CALN1: variants seen among roughly 807,000 people sequenced by gnomAD.
The protein encoded by CALN1 is calneuron 1, also known as calcium-binding protein 8.
A neutral mutation model predicts 30.6 loss-of-function variants in CALN1; 17 were observed. The observed-to-expected ratio is 0.56, with a 90% CI of 0.38 to 0.83. The LOEUF (loss-of-function observed/expected upper bound fraction) is 0.83, where lower values mean the gene tolerates loss of function less well. Ranked by LOEUF, CALN1 falls within the 40% of genes least tolerant of loss-of-function variation. The pLI is 0.00. For missense variants in CALN1, 291 were observed against 354.9 expected (o/e 0.82, Z 1.45); for synonymous variants, 156 against 131.4 (o/e 1.19, Z -1.28).
At chr7:72,067,212 A>C (rs1804084044) in intron 4 of CALN1, among the ~76,000 whole-genome samples, 1 of 152,188 alleles carries the variant, frequency 6.6e-6, no homozygotes, top group Non-Finnish European at 1.5e-5. Context: ...ATTTAGGTAG[A>C]GCCTGACATC....
intron 5 of CALN1, among the ~76,000 whole-genome samples, chr7:71,945,198 T>C (rs2129523313): frequency 6.6e-6 from 1 of 152,262 alleles, no homozygotes; most frequent in Non-Finnish European, 1.5e-5. Context: ...GAATAAAAGC[T>C]TCCCAAGGCC....
chr7:72,142,127 A>C (rs1430600142), intron 3 of CALN1, among the ~76,000 whole-genome samples: 1 of 152,120 alleles, frequency 6.6e-6, no homozygotes, highest in African/African-American at 2.4e-5. Context: ...CAGTGGGTGC[A>C]GGACAGTGGG....
intron 2 of CALN1, among the ~76,000 whole-genome samples, chr7:72,295,319 T>C: frequency 6.7e-6 from 1 of 150,070 alleles, no homozygotes; most frequent in Non-Finnish European, 1.5e-5. Context: ...ACAAAAACAA[T>C]ACTTATTTTT....
chr7:72,420,825 T>C (rs1374564731), intron 1 of CALN1, among the ~76,000 whole-genome samples: 1 of 152,040 alleles, frequency 6.6e-6, no homozygotes, highest in Non-Finnish European at 1.5e-5. Flanking sequence ...TTCACTATGT[T>C]AGCCAGGATG....
At chr7:72,024,029 C>T (rs1215991075) in intron 4 of CALN1, among the ~76,000 whole-genome samples, 1 of 152,188 alleles carries the variant, frequency 6.6e-6, no homozygotes, top group Admixed American at 6.5e-5. Flanking sequence ...CATCACTTCC[C>T]ACTTAACATG....
chr7:72,032,409 T>G (rs1370147183), intron 4 of CALN1, among the ~76,000 whole-genome samples: 1 of 152,110 alleles, frequency 6.6e-6, no homozygotes, highest in Non-Finnish European at 1.5e-5. Context: ...CAGGCTAGTC[T>G]TGAACTCCTG....
At chr7:72,383,796 A>G (rs989373238) in intron 2 of CALN1, among the ~76,000 whole-genome samples, 1 of 152,242 alleles carries the variant, frequency 6.6e-6, no homozygotes, top group South Asian at 2.1e-4. Flanking sequence ...AGTGCAGCTA[A>G]GGGTGGAGGC....
At position 72,242,608 on chromosome 7, in the gene CALN1, C is replaced by G. The variant is rs546106835; in HGVS notation, c.244+36078G>C. Among the ~76,000 whole-genome samples, 37 of 152,278 alleles carry G rather than the reference C, an allele frequency of 2.4e-4. No homozygotes were observed. In the South Asian group the frequency reaches 6.8e-3, roughly 28 times the overall value. The stretch of plus-strand genomic sequence containing the variant: ...TATGGTTGAAATATTAAAATTAAGG[C>G]CAGGCGCAGTGGCTCAAACATGTAA... On this transcript the variant is annotated intron_variant, in intron 3 of 6. Transcript: ENST00000395275.
At chr7:71,970,164 A>G (rs1449709824) in intron 5 of CALN1, among the ~76,000 whole-genome samples, 2 of 152,054 alleles carry the variant, frequency 1.3e-5, no homozygotes, top group Non-Finnish European at 2.9e-5. Context: ...ACCCATTCCT[A>G]ATGGGGCACA....
chr7:71,934,917 C>T (rs1266682086), intron 5 of CALN1, among the ~76,000 whole-genome samples: 3 of 152,080 alleles, frequency 2.0e-5, no homozygotes, highest in Non-Finnish European at 4.4e-5. Flanking sequence ...ACCATCAGAT[C>T]TTGTAGCACT....
chr7:71,970,987 C>T (rs949881931), intron 5 of CALN1, among the ~76,000 whole-genome samples: 2 of 152,170 alleles, frequency 1.3e-5, no homozygotes, highest in African/African-American at 4.8e-5. Flanking sequence ...AAGAAAGATC[C>T]TGAAGGCATC....
chr7:71,959,171 T>C (rs1410936950), intron 5 of CALN1, among the ~76,000 whole-genome samples: 1 of 152,154 alleles, frequency 6.6e-6, no homozygotes, highest in East Asian at 1.9e-4. Context: ...GCACCTGTCA[T>C]GGTAGGCAGT....
intron 3 of CALN1, among the ~76,000 whole-genome samples, chr7:72,218,276 A>G (rs1466184443): frequency 1.3e-5 from 2 of 151,686 alleles, no homozygotes; most frequent in African/African-American, 4.8e-5. Context: ...GTGAAACCCC[A>G]TCTCTACTAA....
intron 5 of CALN1, among the ~76,000 whole-genome samples, chr7:71,825,313 G>T (rs979746732): frequency 6.6e-6 from 1 of 152,118 alleles, no homozygotes; most frequent in Admixed American, 6.6e-5. Context: ...CTGAATCATG[G>T]GGGCAGTTTC....
chr7:72,450,263 C>A (rs1808634370), upstream of CALN1, among the ~76,000 whole-genome samples: 1 of 152,128 alleles, frequency 6.6e-6, no homozygotes, highest in Non-Finnish European at 1.5e-5. Flanking sequence ...CATGCAATTT[C>A]TTGTCCTCCA....
At chr7:72,335,136 C>T (rs1392668407) in intron 2 of CALN1, among the ~76,000 whole-genome samples, 1 of 152,120 alleles carries the variant, frequency 6.6e-6, no homozygotes, top group Non-Finnish European at 1.5e-5. Flanking sequence ...ATCAAAACTC[C>T]ACATTCTTCT....
intron 3 of CALN1, among the ~76,000 whole-genome samples, chr7:72,140,276 A>AAGAGAGAGAGAGAGAGAGAG (rs71069028): frequency 8.3e-6 from 1 of 119,862 alleles, no homozygotes; most frequent in African/African-American, 3.2e-5. Flanking sequence ...GTCTCAAAAT[A>AAGAGAGAGAGAGAGAGAGAG]AGAGAGAGAG....
rs200998447 is a variant in CALN1, at chr7:72,324,532, CTCTT to C, written c.120-45726_120-45723del. Among the ~76,000 whole-genome samples, 175 of 150,040 alleles carry C rather than the reference CTCTT, an allele frequency of 1.2e-3. 7 individuals are homozygous for C. The East Asian group carries it at 0.033, about 28-fold the overall frequency. Reference sequence around the variant, plus strand: ...CTCATTTTCAGCTCTGGCTCTCTCTCTCTTTTTCCCTCCTTTTAAATGATGTAAT... The same window carrying C: ...CTCATTTTCAGCTCTGGCTCTCTCTCTTTCCCTCCTTTTAAATGATGTAAT... On this transcript the variant is annotated intron_variant, in intron 2 of 6. Coordinates refer to ENST00000395275, the MANE Select transcript of CALN1 (RefSeq NM_031468.4).
intron 4 of CALN1, among the ~76,000 whole-genome samples, chr7:72,101,313 G>A (rs971043216): frequency 5.3e-5 from 8 of 152,250 alleles, no homozygotes; most frequent in East Asian, 3.9e-4. Context: ...AGAAACAGAC[G>A]TATAGATTAA....
Sources: gnomAD v4.1 joint callset for allele counts (sites outside exome capture counted in the v4.1 genomes callset) on GRCh38, gnomAD v4.1.1 for gene constraint, MANE v1.5 for transcripts, NCBI Gene and HGNC (gene_info 2026-07-23, HGNC 2026-07-21) for gene names.